SUMF1: variants seen among roughly 807,000 people sequenced by gnomAD.
The protein encoded by SUMF1 is sulfatase modifying factor 1, also known as formylglycine-generating enzyme.
In SUMF1, 48 loss-of-function variants were observed where a neutral mutation model predicts 47.6. The observed-to-expected ratio is 1.01, with a 90% CI of 0.80 to 1.28. The LOEUF is 1.28. SUMF1 is among the 50% of genes most tolerant of loss of function. SUMF1 has a pLI of 0.00. For synonymous variants in SUMF1, 230 were observed against 192.1 expected (o/e 1.20, Z -1.63); for missense variants, 571 against 485.4 (o/e 1.18, Z -1.66).
At chr3:4,204,263 T>C (rs1695603464) in intron 8 of SUMF1, among the ~76,000 whole-genome samples, 1 of 152,126 alleles carries the variant, frequency 6.6e-6, no homozygotes. Flanking sequence ...TACAATGTTC[T>C]AGGATAATTT....
chr3:4,365,384 A>C (rs1454079291), intron 8 of SUMF1, among the ~76,000 whole-genome samples: 2 of 123,264 alleles, frequency 1.6e-5, no homozygotes, highest in African/African-American at 5.7e-5. Context: ...GATTTGCTTT[A>C]TGAATCTGGG....
chr3:4,323,447 C>T (rs1426656009), intron 8 of SUMF1, among the ~76,000 whole-genome samples: 1 of 152,130 alleles, frequency 6.6e-6, no homozygotes, highest in African/African-American at 2.4e-5. Context: ...GGGGGTAATG[C>T]AACATTCTAG....
chr3:4,209,240 C>T (rs1031141779), intron 8 of SUMF1, among the ~76,000 whole-genome samples: 1 of 152,124 alleles, frequency 6.6e-6, no homozygotes, highest in Non-Finnish European at 1.5e-5. Context: ...ATAAATTTTA[C>T]ACTCTACTAT....
chr3:4,203,065 G>A lies in SUMF1; in HGVS notation c.1015-134320C>T, dbSNP rs113444645. The stretch of plus-strand genomic sequence containing the variant: ...GTACTGAGAAGCAGCAGCCACCATT[G>A]GATGAAATGTTCTGTAAATATCAAG... On this transcript the variant is annotated intron_variant and NMD_transcript_variant, in intron 8 of 12. Coordinates refer to the SUMF1 transcript ENST00000448413. Among the ~76,000 whole-genome samples the A allele has an allele frequency of 6.1e-4, 93 of 151,942 alleles. 3 individuals are homozygous for A. Among genetic ancestry groups the A allele is most frequent in the African/African-American group, 2.2e-3 (92 of 41,508 alleles).
intron 1 of SUMF1, among the ~76,000 whole-genome samples, chr3:4,459,252 T>C (rs1198022968): frequency 6.6e-6 from 1 of 152,228 alleles, no homozygotes; most frequent in Non-Finnish European, 1.5e-5. Context: ...TAGCTTGATT[T>C]ACTCATTCCA....
intron 7 of SUMF1, among the ~76,000 whole-genome samples, chr3:4,377,414 A>G (rs979974406): frequency 2.0e-5 from 3 of 152,154 alleles, no homozygotes; most frequent in African/African-American, 7.2e-5. Flanking sequence ...GGTATTCTCC[A>G]TCCAACCTTG....
rs575399950 is a variant in SUMF1, at chr3:4,349,310, C to T, written c.1014+27020G>A. Among the ~76,000 whole-genome samples, 58 of 152,192 alleles carry T rather than the reference C, an allele frequency of 3.8e-4. No individual in the cohort carries two copies. In the South Asian group the frequency reaches 5.8e-3, roughly 15 times the overall value. ...TACCATTTCACGCCAGTCAGAATGG[C>T]GATTATTAAAAAATCAAGAAACAAT... On this transcript the variant is annotated intron_variant and NMD_transcript_variant, in intron 8 of 12. Coordinates refer to the SUMF1 transcript ENST00000448413.
At chr3:4,328,232 T>C (rs1169709748) in intron 8 of SUMF1, among the ~76,000 whole-genome samples, 1 of 151,864 alleles carries the variant, frequency 6.6e-6, no homozygotes, top group African/African-American at 2.4e-5. Context: ...TAAATAAATA[T>C]AAATTTAAAA....
chr3:4,440,771 G>C (rs1465990981), intron 3 of SUMF1, among the ~76,000 whole-genome samples: 1 of 152,162 alleles, frequency 6.6e-6, no homozygotes, highest in African/African-American at 2.4e-5. Context: ...TACTTAGTCA[G>C]GAATTTGTTT....
At chr3:4,342,040 G>T (rs1432819229) in intron 8 of SUMF1, among the ~76,000 whole-genome samples, 1 of 152,132 alleles carries the variant, frequency 6.6e-6, no homozygotes, top group Non-Finnish European at 1.5e-5. Flanking sequence ...AAAGCTCCAA[G>T]TTTATATTGA....
At chr3:4,254,951 G>A (rs556273410) in intron 8 of SUMF1, among the ~76,000 whole-genome samples, 2 of 152,186 alleles carry the variant, frequency 1.3e-5, no homozygotes, top group East Asian at 3.9e-4. Flanking sequence ...GAGAGGGGGG[G>A]CCAGTATTCA....
intron 8 of SUMF1, among the ~76,000 whole-genome samples, chr3:4,147,938 G>C (rs941287489): frequency 6.6e-6 from 1 of 151,870 alleles, no homozygotes; most frequent in Admixed American, 6.6e-5. Flanking sequence ...TTTTCCACCT[G>C]AAGATAAGCA....
chr3:4,357,247 T>A (rs1160568953), downstream of SUMF1, among the ~76,000 whole-genome samples: 1 of 150,278 alleles, frequency 6.7e-6, no homozygotes, highest in East Asian at 1.9e-4. Context: ...TTGCATAAAA[T>A]TCCTGAAGTT....
intron 3 of SUMF1, among the ~76,000 whole-genome samples, chr3:4,447,860 T>C (rs17040695): frequency 0.02 from 2,972 of 152,196 alleles, 103 homozygotes; most frequent in African/African-American, 0.069. Flanking sequence ...CCCACCTCTG[T>C]CTTCATACCT....
intron 8 of SUMF1, among the ~76,000 whole-genome samples, chr3:4,324,855 CT>C (rs907401192): frequency 1.4e-4 from 22 of 152,196 alleles, no homozygotes; most frequent in Non-Finnish European, 2.8e-4. Flanking sequence ...CATTTCCCCC[CT>C]GTATTATCCC....
chr3:4,103,728 C>T (rs1453751541), intron 8 of SUMF1, among the ~76,000 whole-genome samples: 1 of 152,094 alleles, frequency 6.6e-6, no homozygotes, highest in Admixed American at 6.6e-5. Flanking sequence ...ACATAAATCA[C>T]ATAATCAGAT....
chr3:4,074,992 T>G (rs1346751671), intron 8 of SUMF1, among the ~76,000 whole-genome samples: 1 of 152,124 alleles, frequency 6.6e-6, no homozygotes, highest in Non-Finnish European at 1.5e-5. Flanking sequence ...TAACTCATTT[T>G]ATGAGGCCAG....
At chr3:4,060,370 G>A (rs1695257506) in intron 9 of SUMF1, among the ~76,000 whole-genome samples, 1 of 152,180 alleles carries the variant, frequency 6.6e-6, no homozygotes, top group Admixed American at 6.5e-5. Context: ...GAATGCCACT[G>A]TGTGCCCTTG....
At chr3:4,240,969 T>A (rs112055762) in intron 8 of SUMF1, among the ~76,000 whole-genome samples, 1 of 152,188 alleles carries the variant, frequency 6.6e-6, no homozygotes, top group East Asian at 1.9e-4. Context: ...AAACCAAAGA[T>A]ACGATATCCT....
Sources: allele counts gnomAD v4.1 joint callset (sites outside exome capture counted in the v4.1 genomes callset), GRCh38; gene constraint gnomAD v4.1.1; transcripts MANE v1.5; gene names NCBI Gene and HGNC (gene_info 2026-07-23, HGNC 2026-07-21).